The following ZFPM2 variants were observed in gnomAD, a reference collection of about 807,000 sequenced individuals.
ZFPM2 encodes the protein zinc finger protein ZFPM2.
In ZFPM2, 20 loss-of-function variants were observed where a neutral mutation model predicts 98.6. The ratio of observed to expected loss-of-function variants is 0.20; its 90% confidence interval spans 0.14 to 0.29. ZFPM2 has a LOEUF of 0.29. Among genes scored for constraint, ZFPM2 ranks in the 10% least tolerant of loss-of-function variants. ZFPM2 has a pLI of 1.00. For synonymous variants in ZFPM2, 518 were observed against 502.7 expected (o/e 1.03, Z -0.41); for missense variants, 1,310 against 1,388.6 (o/e 0.94, Z 0.90).
At chr8:105,714,423 T>G (rs1811471735) in intron 5 of ZFPM2, among the ~76,000 whole-genome samples, 1 of 152,088 alleles carries the variant, frequency 6.6e-6, no homozygotes, top group Non-Finnish European at 1.5e-5. Context: ...AGAAATAGTT[T>G]GACTTTCTCC....
At chr8:105,460,914 A>G (rs1248936332) in intron 3 of ZFPM2, among the ~76,000 whole-genome samples, 1 of 152,048 alleles carries the variant, frequency 6.6e-6, no homozygotes, top group Non-Finnish European at 1.5e-5. Context: ...AAAAGCACTC[A>G]ACTACATATA....
At chr8:105,712,965 G>A (rs1346282614) in intron 5 of ZFPM2, among the ~76,000 whole-genome samples, 1 of 151,856 alleles carries the variant, frequency 6.6e-6, no homozygotes, top group Non-Finnish European at 1.5e-5. Context: ...TTCTGTCCTA[G>A]TGGAATAGTG....
intron 5 of ZFPM2, among the ~76,000 whole-genome samples, chr8:105,775,721 CCAGA>C (rs1303774040): frequency 6.6e-6 from 1 of 152,042 alleles, no homozygotes; most frequent in African/African-American, 2.4e-5. Flanking sequence ...GGTCAGGGAG[CCAGA>C]CAGTCAGATG....
At chr8:105,499,322 C>T (rs1478943597) in intron 3 of ZFPM2, among the ~76,000 whole-genome samples, 2 of 151,728 alleles carry the variant, frequency 1.3e-5, no homozygotes, top group African/African-American at 4.8e-5. Context: ...TAAGAATTTC[C>T]TTACTTTTCT....
At chr8:105,677,530 T>G (rs1810499624) in intron 5 of ZFPM2, among the ~76,000 whole-genome samples, 1 of 152,090 alleles carries the variant, frequency 6.6e-6, no homozygotes. Flanking sequence ...TGGTTTCTTT[T>G]CCTTTCTGAA....
chr8:105,321,100 G>C (rs2130641901), intron 1 of ZFPM2, among the ~76,000 whole-genome samples: 1 of 152,234 alleles, frequency 6.6e-6, no homozygotes, highest in East Asian at 1.9e-4. Context: ...TTTCTATACT[G>C]GAGTAGTCCT....
At chr8:105,706,957 T>C (rs1811278411) in intron 5 of ZFPM2, among the ~76,000 whole-genome samples, 3 of 151,814 alleles carry the variant, frequency 2.0e-5, no homozygotes, top group Admixed American at 2.0e-4. Context: ...AAAAAGTATT[T>C]AGGCTGGGTG....
chr8:105,441,127 C>T (rs1394884181), intron 2 of ZFPM2, among the ~76,000 whole-genome samples: 1 of 152,058 alleles, frequency 6.6e-6, no homozygotes, highest in Non-Finnish European at 1.5e-5. Flanking sequence ...TGCACTCCAG[C>T]CTGGGTGACA....
chr8:105,623,758 T>C (rs1446285249), intron 4 of ZFPM2, among the ~76,000 whole-genome samples: 2 of 152,020 alleles, frequency 1.3e-5, no homozygotes, highest in Non-Finnish European at 2.9e-5. Context: ...TTTTTTTTTA[T>C]AGTGGTTTAA....
chr8:105,545,892 C>T (rs1814686631), intron 3 of ZFPM2, among the ~76,000 whole-genome samples: 1 of 152,092 alleles, frequency 6.6e-6, no homozygotes, highest in Non-Finnish European at 1.5e-5. Context: ...CTTTCTGGAA[C>T]TCTATAATAT....
chr8:105,665,129 A>G (rs1023685333), intron 5 of ZFPM2, among the ~76,000 whole-genome samples: 5 of 152,158 alleles, frequency 3.3e-5, no homozygotes, highest in Non-Finnish European at 5.9e-5. Context: ...AAGGTACCAT[A>G]TGGTGAGAGA....
chr8:105,358,293 G>A (rs1295656617), intron 1 of ZFPM2, among the ~76,000 whole-genome samples: 3 of 149,350 alleles, frequency 2.0e-5, no homozygotes, highest in Non-Finnish European at 3.0e-5. Context: ...TTGCTCTGTC[G>A]CCCAGGCTGG....
intron 5 of ZFPM2, among the ~76,000 whole-genome samples, chr8:105,783,350 GA>G (rs141723345): frequency 0.014 from 1,941 of 143,668 alleles, 35 homozygotes; most frequent in African/African-American, 0.038. Flanking sequence ...GTTTTGTAGT[GA>G]AAAAAAAAAT....
chr8:105,685,134 G>T (rs1810701499), intron 5 of ZFPM2, among the ~76,000 whole-genome samples: 1 of 152,076 alleles, frequency 6.6e-6, no homozygotes, highest in African/African-American at 2.4e-5. Context: ...AAAGCTTTCT[G>T]TGACACGGGA....
rs1451228210 is a variant in ZFPM2, at chr8:105,802,413, A to C, written c.2331A>C (p.Thr777=). 2 of 1,613,678 alleles carry C rather than the reference A, an allele frequency of 1.2e-6. No homozygotes were observed. Among genetic ancestry groups the C allele is most frequent in the Non-Finnish European group, 1.7e-6 (2 of 1,179,866 alleles). The change falls in exon 8 of 8, where the codon ACA becomes ACC. Residue 777 remains threonine (T), a synonymous_variant. Transcript: ENST00000407775. ...NNPCTSTQEP[T]EGLGECYHPR... ...CTTGTACCTCCACTCAAGAACCCAC[A>C]GAAGGGCTAGGAGAGTGCTACCACC...
chr8:105,320,260 G>A (rs906166845), intron 1 of ZFPM2, among the ~76,000 whole-genome samples: 1 of 135,928 alleles, frequency 7.4e-6, no homozygotes, highest in Admixed American at 7.3e-5. Flanking sequence ...AGATCTTTGT[G>A]TGTGTGTGTG....
intron 4 of ZFPM2, among the ~76,000 whole-genome samples, chr8:105,604,349 C>G (rs1014913675): frequency 1.3e-5 from 2 of 151,996 alleles, no homozygotes; most frequent in Middle Eastern, 3.2e-3. Context: ...TCTTACCAGG[C>G]CTCAGCAGCA....
intron 5 of ZFPM2, among the ~76,000 whole-genome samples, chr8:105,765,937 G>T (rs367703878): frequency 2.3e-4 from 35 of 151,748 alleles, no homozygotes; most frequent in African/African-American, 7.5e-4. Flanking sequence ...TTTTTCAAGG[G>T]GCCTCATGTA....
At chr8:105,368,412 G>C (rs1810551457) in intron 1 of ZFPM2, among the ~76,000 whole-genome samples, 1 of 152,080 alleles carries the variant, frequency 6.6e-6, no homozygotes, top group East Asian at 1.9e-4. Context: ...CTTCCTTGCT[G>C]GTTTATTTGC....
Sources: gnomAD v4.1 joint callset for allele counts (sites outside exome capture counted in the v4.1 genomes callset) on GRCh38, gnomAD v4.1.1 for gene constraint, MANE v1.5 for transcripts, NCBI Gene and HGNC (gene_info 2026-07-23, HGNC 2026-07-21) for gene names.